OSBPL1A: variants seen among roughly 807,000 people sequenced by gnomAD.
OSBPL1A encodes the protein oxysterol-binding protein-related protein 1.
In OSBPL1A, 80 loss-of-function variants were observed where a neutral mutation model predicts 137.1. That is an observed-to-expected ratio of 0.58 (90% CI 0.49 to 0.70). The LOEUF (loss-of-function observed/expected upper bound fraction) is 0.70, where lower values mean the gene tolerates loss of function less well. Among genes scored for constraint, OSBPL1A ranks in the 30% least tolerant of loss-of-function variants. The pLI, the probability that OSBPL1A is intolerant of heterozygous loss-of-function variation, is 0.00. For synonymous variants in OSBPL1A, 365 were observed against 389.7 expected (o/e 0.94, Z 0.75); for missense variants, 970 against 1,129.4 (o/e 0.86, Z 2.02).
At chr18:24,213,226 T>C (rs566470425) in intron 17 of OSBPL1A, among the ~76,000 whole-genome samples, 5 of 152,340 alleles carry the variant, frequency 3.3e-5, no homozygotes, top group East Asian at 1.9e-4. Flanking sequence ...TTTTTAGTTA[T>C]GAATCTTTAA....
rs1439036897 is a variant in OSBPL1A, at chr18:24,167,537, T to C, written c.2419-92A>G. 3 of 1,037,248 alleles carry C rather than the reference T, an allele frequency of 2.9e-6. No individual in the cohort carries two copies. The Admixed American group carries it at 5.1e-5, about 18-fold the overall frequency. 64.3% of individuals were successfully genotyped at this position (1,037,248 alleles called of 1,614,324 possible). On this transcript the variant is annotated intron_variant, in intron 24 of 27. Transcript: ENST00000319481. ...ATGACATTTTCAGTCAACAACAGAC[T>C]GTAAATATGATGGCAGTCCCCTAAG...
intron 17 of OSBPL1A, among the ~76,000 whole-genome samples, chr18:24,218,798 G>A (rs1289913462): frequency 1.3e-5 from 2 of 152,082 alleles, no homozygotes; most frequent in African/African-American, 4.8e-5. Context: ...AAAATCACTA[G>A]AGAGTATAGT....
At chr18:24,168,365 T>C (rs906022013) in intron 24 of OSBPL1A, among the ~76,000 whole-genome samples, 5 of 152,178 alleles carry the variant, frequency 3.3e-5, no homozygotes, top group African/African-American at 1.2e-4. Flanking sequence ...GGTTACATTC[T>C]TGGGGAAGTC....
chr18:24,253,077 A>C (rs191117044), intron 15 of OSBPL1A, among the ~76,000 whole-genome samples: 9 of 150,248 alleles, frequency 6.0e-5, no homozygotes, highest in Admixed American at 6.0e-4. Context: ...CAAAACAATT[A>C]GAAAACAAGT....
intron 15 of OSBPL1A, among the ~76,000 whole-genome samples, chr18:24,240,298 C>A (rs1187300834): frequency 6.6e-6 from 1 of 152,122 alleles, no homozygotes. Context: ...CTAAAAAAGT[C>A]AAAAGATTAT....
chr18:24,239,126 T>A (rs1193276916), intron 16 of OSBPL1A, 94 bp downstream of exon 16: 57 of 1,450,282 alleles, frequency 3.9e-5, no homozygotes, highest in Non-Finnish European at 4.9e-5. Flanking sequence ...CTAGGTGACC[T>A]CTGCTCTAAG....
chr18:24,322,368 G>A (rs1344508982), intron 7 of OSBPL1A, among the ~76,000 whole-genome samples: 1 of 151,610 alleles, frequency 6.6e-6, no homozygotes, highest in African/African-American at 2.4e-5. Context: ...TGATCTGCCC[G>A]CCTGGGCCTC....
intron 1 of OSBPL1A, among the ~76,000 whole-genome samples, chr18:24,382,045 ATT>A (rs1906622349): frequency 6.6e-6 from 1 of 152,032 alleles, no homozygotes; most frequent in African/African-American, 2.4e-5. Context: ...CATTAAAAAT[ATT>A]ACAGAAGACC....
At position 24,324,603 on chromosome 18, in the gene OSBPL1A, TAAAA is replaced by T. The variant is rs71163674; in HGVS notation, c.626-5798_626-5795del. Among the ~76,000 whole-genome samples the T allele has an allele frequency of 5.3e-4, 3 of 5,652 alleles. 1 individual carries two copies. The highest frequency in any genetic ancestry group is 3.1e-3 in the African/African-American group (2 of 652). The allele number at this position is 5,652 out of a possible 152,430, so 3.7% of individuals were successfully genotyped here. A position where few individuals can be genotyped will look rare whatever the true frequency, so the allele number is the denominator to read the frequency against. ...CCCAATAAAAACATGAATATGAATATAAAAAAAAAAAAAAAAAAAAAAAAAAAAA... is the reference window on the plus strand; with the variant it reads ...CCCAATAAAAACATGAATATGAATATAAAAAAAAAAAAAAAAAAAAAAAAA... On this transcript the variant is annotated intron_variant, in intron 7 of 27. Transcript: ENST00000319481.
intron 2 of OSBPL1A, among the ~76,000 whole-genome samples, chr18:24,369,215 G>A (rs985367750): frequency 1.3e-5 from 2 of 152,152 alleles, no homozygotes; most frequent in Admixed American, 6.5e-5. Context: ...TGAGGATATT[G>A]GGTTGCCAAG....
At chr18:24,248,755 A>T (rs185256373) in intron 15 of OSBPL1A, among the ~76,000 whole-genome samples, 1 of 152,356 alleles carries the variant, frequency 6.6e-6, no homozygotes, top group East Asian at 1.9e-4. Flanking sequence ...CAGAAGAAAG[A>T]CTTGGTAAAT....
At chr18:24,341,004 A>G (rs1320744148) in intron 5 of OSBPL1A, among the ~76,000 whole-genome samples, 2 of 152,168 alleles carry the variant, frequency 1.3e-5, no homozygotes, top group African/African-American at 4.8e-5. Flanking sequence ...CCCAAAATAC[A>G]AACTTTTCGG....
chr18:24,259,942 A>T (rs1437812228), intron 15 of OSBPL1A, among the ~76,000 whole-genome samples: 1 of 152,224 alleles, frequency 6.6e-6, no homozygotes, highest in Non-Finnish European at 1.5e-5. Context: ...ACAAGGGTCT[A>T]GTATCTACAA....
chr18:24,256,638 T>G (rs983191596), intron 15 of OSBPL1A, among the ~76,000 whole-genome samples: 3 of 152,054 alleles, frequency 2.0e-5, no homozygotes, highest in Middle Eastern at 3.4e-3. Flanking sequence ...TAGAAAGAAA[T>G]AAAGGTATCC....
rs964873446 is a variant in OSBPL1A at position 24,326,605 on chromosome 18, C to T, written c.625+6337G>A. Among the ~76,000 whole-genome samples the T allele has an allele frequency of 3.3e-5, 5 of 152,330 alleles. No homozygotes were observed. The East Asian group carries it at 5.8e-4, about 18-fold the overall frequency. On this transcript the variant is annotated intron_variant, in intron 7 of 27. Transcript: ENST00000319481. Reference sequence around the variant, plus strand: ...TCTGCTAGAAGACATGATCAGACCACGCAGTGAGAGACAGACACACAAGGC... The same window carrying T: ...TCTGCTAGAAGACATGATCAGACCATGCAGTGAGAGACAGACACACAAGGC...
chr18:24,176,242 G>A (rs1001312826), intron 21 of OSBPL1A, among the ~76,000 whole-genome samples: 1 of 152,164 alleles, frequency 6.6e-6, no homozygotes, highest in Non-Finnish European at 1.5e-5. Context: ...ACTGCTTATA[G>A]ATCAGTGAGG....
At chr18:24,395,433 A>G (rs1413948771) in intron 1 of OSBPL1A, among the ~76,000 whole-genome samples, 1 of 152,116 alleles carries the variant, frequency 6.6e-6, no homozygotes, top group East Asian at 1.9e-4. Context: ...AAATATTATG[A>G]TCAGATATAC....
chr18:24,202,377 T>A (rs2087246098), intron 17 of OSBPL1A, among the ~76,000 whole-genome samples: 1 of 152,266 alleles, frequency 6.6e-6, no homozygotes, highest in African/African-American at 2.4e-5. Context: ...TAAATTGTTA[T>A]TTTTATAAAG....
rs1567920284 is a variant in OSBPL1A, at chr18:24,175,127, TATATATATACAC to T, written c.2094-2656_2094-2645del. Among the ~76,000 whole-genome samples the T allele has an allele frequency of 5.9e-5, 7 of 118,960 alleles. 1 individual carries two copies. The highest frequency in any genetic ancestry group is 2.4e-4 in the African/African-American group (7 of 28,640). 78.0% of individuals were successfully genotyped at this position (118,960 alleles called of 152,430 possible). On this transcript the variant is annotated intron_variant, in intron 21 of 27. Transcript: ENST00000319481. ...GTGTATGTATATATATATATATATATATATATATACACATATATATATATATATGAAGTATCT... is the reference window on the plus strand; with the variant it reads ...GTGTATGTATATATATATATATATATATATATATATATATATGAAGTATCT...
Sources: allele counts gnomAD v4.1 joint callset (sites outside exome capture counted in the v4.1 genomes callset), GRCh38; gene constraint gnomAD v4.1.1; transcripts MANE v1.5; gene names NCBI Gene and HGNC (gene_info 2026-07-23, HGNC 2026-07-21).